ARK2C: variants seen among roughly 807,000 people sequenced by gnomAD.
The protein encoded by ARK2C is arkadia (RNF111) C-terminal like ring finger ubiquitin ligase 2C.
At chr18:46,426,348 C>T in the ARK2C span, among the ~76,000 whole-genome samples, 1 of 152,196 alleles carries the variant, frequency 6.6e-6, no homozygotes, top group African/African-American at 2.4e-5. Context: ...ACCCACCTTC[C>T]CCACTGATCT....
chr18:46,387,437 G>T, the ARK2C span, among the ~76,000 whole-genome samples: 2 of 152,204 alleles, frequency 1.3e-5, no homozygotes, highest in Non-Finnish European at 2.9e-5. Context: ...AACAGCATTA[G>T]CTCTGAGGAC....
At chr18:46,449,677 G>A in the ARK2C span, among the ~76,000 whole-genome samples, 1 of 152,114 alleles carries the variant, frequency 6.6e-6, no homozygotes, top group Non-Finnish European at 1.5e-5. Flanking sequence ...GTTTTACAAG[G>A]GACCTCCCCA....
chr18:46,380,402 C>T, the ARK2C span, among the ~76,000 whole-genome samples: 1 of 152,190 alleles, frequency 6.6e-6, no homozygotes, highest in African/African-American at 2.4e-5. Flanking sequence ...CTTAAGGTTT[C>T]TTTGAGAAGG....
chr18:46,356,437 C>A, the ARK2C span, among the ~76,000 whole-genome samples: 2 of 152,060 alleles, frequency 1.3e-5, no homozygotes, highest in Non-Finnish European at 2.9e-5. Context: ...TTATGCCTGG[C>A]ACTCAGAAAG....
the ARK2C span, among the ~76,000 whole-genome samples, chr18:46,375,253 A>G: frequency 1.3e-5 from 2 of 151,858 alleles, no homozygotes; most frequent in Admixed American, 1.3e-4. Flanking sequence ...TTTCCCTTTC[A>G]TCAAAAATAC....
At chr18:46,446,000 C>T in the ARK2C span, among the ~76,000 whole-genome samples, 1 of 151,642 alleles carries the variant, frequency 6.6e-6, no homozygotes, top group Non-Finnish European at 1.5e-5. Context: ...CTTGTGTTGT[C>T]ACTTAAGATG....
At chr18:46,415,619 GTT>G in the ARK2C span, among the ~76,000 whole-genome samples, 8 of 152,286 alleles carry the variant, frequency 5.3e-5, no homozygotes, top group Non-Finnish European at 7.4e-5. Context: ...TTGAGAACGT[GTT>G]TTGGTGGTGC....
the ARK2C span, among the ~76,000 whole-genome samples, chr18:46,340,823 T>G: frequency 6.6e-6 from 1 of 152,220 alleles, no homozygotes; most frequent in African/African-American, 2.4e-5. Flanking sequence ...TGTAGGTGTT[T>G]GCTAGCCAGA....
chr18:46,433,468 C>T, the ARK2C span: 34 of 1,612,356 alleles, frequency 2.1e-5, no homozygotes, highest in Non-Finnish European at 1.7e-5. Flanking sequence ...GCAGCAGCTC[C>T]TGGAAGCCCA....
At chr18:46,431,247 G>C in the ARK2C span, among the ~76,000 whole-genome samples, 17 of 152,266 alleles carry the variant, frequency 1.1e-4, no homozygotes, top group African/African-American at 4.1e-4. Context: ...TTAAAAATTT[G>C]GTAGGTTCTC....
At chr18:46,410,259 C>T in the ARK2C span, among the ~76,000 whole-genome samples, 1 of 152,238 alleles carries the variant, frequency 6.6e-6, no homozygotes, top group Non-Finnish European at 1.5e-5. Context: ...CTCACCTTGG[C>T]TTTTCTGCTT....
the ARK2C span, among the ~76,000 whole-genome samples, chr18:46,360,847 T>A: frequency 6.6e-6 from 1 of 152,174 alleles, no homozygotes; most frequent in Admixed American, 6.5e-5. Context: ...AGCCTTGGGG[T>A]GTTCAGCAGC....
At chr18:46,440,047 C>G in the ARK2C span, among the ~76,000 whole-genome samples, 121 of 152,272 alleles carry the variant, frequency 7.9e-4, 1 homozygote, top group African/African-American at 2.8e-3. Flanking sequence ...CCAGGATGGT[C>G]TCGATCTCTT....
chr18:46,374,380 C>G, the ARK2C span, among the ~76,000 whole-genome samples: 2 of 152,176 alleles, frequency 1.3e-5, no homozygotes, highest in East Asian at 1.9e-4. Flanking sequence ...CTCACCTACC[C>G]CAATGAAAAC....
the ARK2C span, among the ~76,000 whole-genome samples, chr18:46,371,487 G>A: frequency 9.5e-3 from 1,442 of 152,272 alleles, 21 homozygotes; most frequent in African/African-American, 0.033. Context: ...CTCTGGTTAA[G>A]GGAGAAGTTA....
chr18:46,371,746 A>G, the ARK2C span, among the ~76,000 whole-genome samples: 1 of 152,226 alleles, frequency 6.6e-6, no homozygotes, highest in African/African-American at 2.4e-5. Flanking sequence ...CCAGTGATAC[A>G]GATGAGGAGA....
chr18:46,389,347 A>T, the ARK2C span, among the ~76,000 whole-genome samples: 85 of 152,356 alleles, frequency 5.6e-4, no homozygotes, highest in African/African-American at 2.0e-3. Context: ...TAAATAAAAC[A>T]TCACTGTAAG....
the ARK2C span, among the ~76,000 whole-genome samples, chr18:46,385,301 G>A: frequency 3.2e-3 from 487 of 152,334 alleles, 4 homozygotes; most frequent in Non-Finnish European, 3.6e-3. Flanking sequence ...GATGAAAGTG[G>A]TGGCTTGTGA....
chr18:46,414,608 T>C, the ARK2C span, among the ~76,000 whole-genome samples: 2 of 152,156 alleles, frequency 1.3e-5, no homozygotes, highest in African/African-American at 4.8e-5. Context: ...ACCTACACCA[T>C]GCACACACAC....
Sources: allele counts gnomAD v4.1 joint callset (sites outside exome capture counted in the v4.1 genomes callset), GRCh38; gene constraint gnomAD v4.1.1; transcripts MANE v1.5; gene names NCBI Gene and HGNC (gene_info 2026-07-23, HGNC 2026-07-21).